Variants in TSEN15 observed in about 807,000 individuals in gnomAD.
TSEN15 encodes the protein tRNA splicing endonuclease subunit 15, also known as tRNA-splicing endonuclease subunit Sen15.
Under a neutral mutation model 20.5 loss-of-function variants are expected in TSEN15, and 10 were observed. The ratio of observed to expected loss-of-function variants is 0.49; its 90% confidence interval spans 0.30 to 0.83. The LOEUF (loss-of-function observed/expected upper bound fraction) is 0.83. Among genes scored for constraint, TSEN15 ranks in the 40% least tolerant of loss-of-function variants. The probability of loss-of-function intolerance (pLI) is 0.06; values close to 1 mark genes in which losing one functional copy is unlikely to be tolerated. For synonymous variants in TSEN15, 72 were observed against 80.1 expected (o/e 0.90, Z 0.54); for missense variants, 180 against 218.6 (o/e 0.82, Z 1.11).
intron 3 of TSEN15, among the ~76,000 whole-genome samples, chr1:184,084,852 G>T (rs1651232447): frequency 6.6e-6 from 1 of 151,982 alleles, no homozygotes; most frequent in African/African-American, 2.4e-5. Context: ...TTTCAACATG[G>T]GTCTGGAGGG....
chr1:184,092,309 G>C (rs1268245021), intron 3 of TSEN15, among the ~76,000 whole-genome samples: 1 of 152,124 alleles, frequency 6.6e-6, no homozygotes, highest in Non-Finnish European at 1.5e-5. Context: ...GAGCAACATA[G>C]GTCCATTTAA....
Position 184,095,171 on chromosome 1 carries a change from A to T in TSEN15, c.354-519A>T. 4 of 398,088 alleles carry T rather than the reference A, an allele frequency of 1.0e-5. No individual in the cohort carries two copies. The Admixed American group carries it at 1.8e-4, about 18-fold the overall frequency. 24.7% of individuals were successfully genotyped at this position (398,088 alleles called of 1,614,324 possible). A position where few individuals can be genotyped will look rare whatever the true frequency, so the allele number is the denominator to read the frequency against. On this transcript the variant is annotated intron_variant, in intron 3 of 3. Transcript: ENST00000643231. ...ACTTGTTTGACTGAACAGAGTGCCCATGGGTTCAGTGCTCTGCTCTAGTCT... is the reference window on the plus strand; with the variant it reads ...ACTTGTTTGACTGAACAGAGTGCCCTTGGGTTCAGTGCTCTGCTCTAGTCT...
chr1:184,054,579 A>T lies in TSEN15; in HGVS notation c.217+144A>T, dbSNP rs1483007235. On this transcript the variant is annotated intron_variant, in intron 2 of 4. Coordinates refer to ENST00000645668, the MANE Select transcript of TSEN15 (RefSeq NM_052965.4). ...TGCAATTTATTTATTTACATTGGGA[A>T]TTACTGAGTAACAGAAGCTACTAGA... 3 of 1,155,946 alleles carry T rather than the reference A, an allele frequency of 2.6e-6. No homozygotes were observed. The African/African-American group carries it at 4.7e-5, about 18-fold the overall frequency. 71.6% of individuals were successfully genotyped at this position (1,155,946 alleles called of 1,614,324 possible). A position where few individuals can be genotyped will look rare whatever the true frequency, so the allele number is the denominator to read the frequency against.
intron 3 of TSEN15, among the ~76,000 whole-genome samples, chr1:184,059,556 G>T (rs932462071): frequency 1.3e-5 from 2 of 152,026 alleles, no homozygotes; most frequent in African/African-American, 4.8e-5. Flanking sequence ...AGAATAGCTG[G>T]GACATGTATA....
chr1:184,055,764 T>G (rs1650229531), intron 3 of TSEN15, among the ~76,000 whole-genome samples: 1 of 152,122 alleles, frequency 6.6e-6, no homozygotes. Context: ...TCATTATTAG[T>G]TCATGCTTGG....
rs1408979145 is a variant in TSEN15, at chr1:184,072,188, T to C, written c.385T>C (p.Leu129=). The C allele has an allele frequency of 1.2e-6, 2 of 1,613,508 alleles. No individual in the cohort carries two copies. Among genetic ancestry groups the C allele is most frequent in the African/African-American group, 2.7e-5 (2 of 74,870 alleles). ...GGAGATCTTGAAGGCATCTCGAAAG[T>C]TGCAAGGTGATCCAGATTTGCCGAT... ...IREILKASRK[L]QGDPDLPMSF... The change falls in exon 4 of 5, where the codon TTG becomes CTG. Residue 129 remains leucine (L), a synonymous_variant. Transcript: ENST00000645668.
At chr1:184,065,487 A>G (rs1280114066) in intron 3 of TSEN15, among the ~76,000 whole-genome samples, 1 of 152,216 alleles carries the variant, frequency 6.6e-6, no homozygotes, top group East Asian at 1.9e-4. Flanking sequence ...TTTCAGTGCC[A>G]TAAACATACC....
intron 3 of TSEN15, chr1:184,070,819 C>A: frequency 4.9e-6 from 2 of 406,674 alleles, no homozygotes; most frequent in Non-Finnish European, 7.5e-6. Flanking sequence ...AAGAATCTAG[C>A]TAGTTGTAAT....
At chr1:184,094,228 C>G (rs1483833026) in intron 3 of TSEN15, 1 of 152,236 alleles carries the variant, frequency 6.6e-6, no homozygotes, top group African/African-American at 2.4e-5. Context: ...CCACATAGCT[C>G]ATATGTGATA....
At chr1:184,056,982 G>A (rs1464513252) in intron 3 of TSEN15, among the ~76,000 whole-genome samples, 2 of 152,008 alleles carry the variant, frequency 1.3e-5, no homozygotes, top group South Asian at 2.1e-4. Flanking sequence ...TCCTAATTCT[G>A]GTATTCACTC....
chr1:184,065,419 A>G (rs368670380), intron 3 of TSEN15, among the ~76,000 whole-genome samples: 11 of 152,306 alleles, frequency 7.2e-5, no homozygotes, highest in South Asian at 2.1e-4. Flanking sequence ...TTTTTGCACA[A>G]TTCTGTGGAT....
chr1:184,071,993 C>A (rs1050584345), intron 3 of TSEN15, 164 bp from the exon 4 acceptor site: 2 of 563,632 alleles, frequency 3.5e-6, no homozygotes, highest in Admixed American at 3.6e-5. Flanking sequence ...TTATTTGATA[C>A]TATACCAGAA....
rs1046937 is a variant in TSEN15 at position 184,054,812 on chromosome 1, G to A, written c.302G>A (p.Gly101Glu). ...GTTGGTACTGAGATAGAAGGGGAGGGGTTACAGACTGTGGTGCCTACCCCC... is the reference window on the plus strand; with the variant it reads ...GTTGGTACTGAGATAGAAGGGGAGGAGTTACAGACTGTGGTGCCTACCCCC... ...CLVGTEIEGEGLQTVVPTPIT... is the reference protein window; with the variant it reads ...CLVGTEIEGEELQTVVPTPIT... The change falls in exon 3 of 5, where the codon GGG becomes GAG. Residue 101 changes from glycine (G) to glutamate (E), a missense_variant. This residue lies in a region of TSEN15 where 76 missense variants were observed against 123.4 expected (regional missense o/e 0.62). Coordinates refer to ENST00000645668, the MANE Select transcript of TSEN15 (RefSeq NM_052965.4). 1 of 1,609,792 alleles carries A rather than the reference G, an allele frequency of 6.2e-7. No homozygotes were observed. The highest frequency in any genetic ancestry group is 8.5e-7 in the Non-Finnish European group (1 of 1,177,690).
intron 3 of TSEN15, among the ~76,000 whole-genome samples, chr1:184,085,441 A>G (rs1405272639): frequency 6.6e-6 from 1 of 152,254 alleles, no homozygotes; most frequent in African/African-American, 2.4e-5. Context: ...TTCCACAAAT[A>G]TTTGTGGAAG....
intron 3 of TSEN15, among the ~76,000 whole-genome samples, chr1:184,090,864 G>A (rs1490504493): frequency 6.6e-6 from 1 of 152,194 alleles, no homozygotes; most frequent in Non-Finnish European, 1.5e-5. Context: ...ACTGACTTCA[G>A]CTGAGAATAG....
chr1:184,085,316 C>T lies in TSEN15; in HGVS notation c.354-10374C>T, dbSNP rs74728341. Among the ~76,000 whole-genome samples the T allele has an allele frequency of 4.1e-3, 626 of 152,294 alleles. 5 individuals carry two copies. The highest frequency in any genetic ancestry group is 0.014 in the African/African-American group (574 of 41,568). ...TAAATTAAAAAACATGAAATAATAA[C>T]TAGCAATTTGTAGTTGTATAAGCAT... is the stretch of plus-strand genomic sequence containing the variant. On this transcript the variant is annotated intron_variant, in intron 3 of 3. Coordinates refer to the TSEN15 transcript ENST00000643231.
At chr1:184,079,024 T>C (rs775113346), downstream of TSEN15, among the ~76,000 whole-genome samples, 3 of 152,156 alleles carry the variant, frequency 2.0e-5, no homozygotes, top group Non-Finnish European at 4.4e-5. Flanking sequence ...ATATTTTACC[T>C]TGAGTGTTTA....
chr1:184,086,143 A>G (rs1331076037), intron 3 of TSEN15, among the ~76,000 whole-genome samples: 1 of 152,218 alleles, frequency 6.6e-6, no homozygotes, highest in African/African-American at 2.4e-5. Context: ...TCAGAAAAAA[A>G]CATTTTTGGA....
chr1:184,084,179 T>C (rs538104542), intron 3 of TSEN15, among the ~76,000 whole-genome samples: 1 of 152,146 alleles, frequency 6.6e-6, no homozygotes, highest in East Asian at 2.0e-4. Flanking sequence ...TGAGGATAAA[T>C]GAAGCCCAGC....
Sources: gnomAD v4.1 joint callset for allele counts (sites outside exome capture counted in the v4.1 genomes callset) on GRCh38, gnomAD v4.1.1 for gene constraint, gnomAD v4.1.1 regional missense constraint, MANE v1.5 for transcripts, NCBI Gene and HGNC (gene_info 2026-07-23, HGNC 2026-07-21) for gene names.